Variants in KLHDC1 observed in about 807,000 individuals in gnomAD.
KLHDC1 encodes the protein kelch domain-containing protein 1.
A neutral mutation model predicts 68.3 loss-of-function variants in KLHDC1; 53 were observed. That is an observed-to-expected ratio of 0.78 (90% CI 0.62 to 0.98). The LOEUF (loss-of-function observed/expected upper bound fraction) is 0.98. Ranked by LOEUF, KLHDC1 falls within the 50% of genes least tolerant of loss-of-function variation. The pLI is 0.00. For missense variants in KLHDC1, 470 were observed against 492.3 expected (o/e 0.95, Z 0.43); for synonymous variants, 148 against 159.0 (o/e 0.93, Z 0.52).
chr14:49,751,362 A>G lies in KLHDC1; in HGVS notation c.1035-224A>G, dbSNP rs112236996. ...AAATGTTTGAGGGGATGGATACCCC[A>G]TTTTCTATGACATGATTATTATGCA... is the stretch of plus-strand genomic sequence containing the variant. On this transcript the variant is annotated intron_variant, in intron 12 of 12. Coordinates refer to ENST00000359332, the MANE Select transcript of KLHDC1 (RefSeq NM_172193.3). Among the ~76,000 whole-genome samples, 166 of 152,246 alleles carry G rather than the reference A, an allele frequency of 1.1e-3. 3 individuals are homozygous for G. The East Asian group carries it at 0.024, about 22-fold the overall frequency.
At chr14:49,726,518 C>T (rs1469758882) in intron 6 of KLHDC1, among the ~76,000 whole-genome samples, 1 of 152,160 alleles carries the variant, frequency 6.6e-6, no homozygotes, top group Non-Finnish European at 1.5e-5. Context: ...AAGTGTCATG[C>T]CCTGATTTAA....
chr14:49,695,996 G>A (rs1268884366), intron 1 of KLHDC1, among the ~76,000 whole-genome samples: 2 of 151,718 alleles, frequency 1.3e-5, no homozygotes, highest in Non-Finnish European at 2.9e-5. Flanking sequence ...AACCCAGGAG[G>A]CGGAGCTTGC....
chr14:49,723,763 A>G lies in KLHDC1; in HGVS notation c.405-111A>G, dbSNP rs537283117. ...GTTCCCTCAGCTCTTTATTCTTTTT[A>G]AACTGTGATTTTGTGTTTGGGTTGT... On this transcript the variant is annotated intron_variant, in intron 4 of 12. Coordinates refer to ENST00000359332, the MANE Select transcript of KLHDC1 (RefSeq NM_172193.3). The G allele has an allele frequency of 2.3e-5, 14 of 618,390 alleles. No homozygotes were observed. In the East Asian group the frequency reaches 2.6e-4, roughly 11 times the overall value. The allele number at this position is 618,390 out of a possible 1,614,324, so 38.3% of individuals were successfully genotyped here.
chr14:49,740,581 C>T (rs112761903), intron 11 of KLHDC1, among the ~76,000 whole-genome samples: 3,230 of 151,994 alleles, frequency 0.021, 118 homozygotes, highest in African/African-American at 0.074. Context: ...CCTCGTGATC[C>T]GCCCGCCTCA....
At chr14:49,694,862 AAAAC>A (rs773228938) in intron 1 of KLHDC1, among the ~76,000 whole-genome samples, 3 of 152,202 alleles carry the variant, frequency 2.0e-5, no homozygotes, top group Non-Finnish European at 4.4e-5. Context: ...TCAAAACAAA[AAAAC>A]AAAAAACTGT....
intron 6 of KLHDC1, 151 bp downstream of exon 6, chr14:49,725,920 T>C: frequency 2.0e-6 from 1 of 508,308 alleles, no homozygotes; most frequent in Non-Finnish European, 3.5e-6. Context: ...CAATCTCAGC[T>C]CACTGCAACC....
At chr14:49,738,028 GT>G (rs1888972673) in intron 10 of KLHDC1, among the ~76,000 whole-genome samples, 1 of 151,732 alleles carries the variant, frequency 6.6e-6, no homozygotes, top group African/African-American at 2.4e-5. Context: ...TAGTATTTGG[GT>G]TTTTTTGTTT....
At chr14:49,709,643 A>T in intron 2 of KLHDC1, 66 bp from the exon 3 acceptor site, 1 of 787,100 alleles carries the variant, frequency 1.3e-6, no homozygotes, top group Non-Finnish European at 2.0e-6. Flanking sequence ...GTACTCATGG[A>T]GTTTAAAGAG....
chr14:49,736,777 C>A (rs1888939230), intron 10 of KLHDC1, among the ~76,000 whole-genome samples: 3 of 152,162 alleles, frequency 2.0e-5, no homozygotes, highest in Admixed American at 6.5e-5. Context: ...CTGTCCTTTA[C>A]CCAGTAGATG....
At chr14:49,696,134 T>C (rs1412573200) in intron 1 of KLHDC1, among the ~76,000 whole-genome samples, 2 of 151,692 alleles carry the variant, frequency 1.3e-5, no homozygotes. Context: ...CCAGATCTTC[T>C]GGATAACTTG....
At chr14:49,741,680 A>G (rs962124027) in intron 11 of KLHDC1, among the ~76,000 whole-genome samples, 2 of 152,130 alleles carry the variant, frequency 1.3e-5, no homozygotes, top group Non-Finnish European at 2.9e-5. Flanking sequence ...AAGCATTTCA[A>G]TTTTAAAATT....
chr14:49,725,538 C>T (rs1013301573), intron 5 of KLHDC1, 148 bp from the exon 6 acceptor site: 14 of 554,482 alleles, frequency 2.5e-5, no homozygotes, highest in Admixed American at 1.1e-4. Context: ...GGGAGGTACC[C>T]GTGTATCCGT....
chr14:49,695,623 C>T (rs1158655856), intron 1 of KLHDC1, among the ~76,000 whole-genome samples: 1 of 152,160 alleles, frequency 6.6e-6, no homozygotes. Flanking sequence ...GATAAATGAA[C>T]ATTGGCTTCA....
intron 6 of KLHDC1, among the ~76,000 whole-genome samples, chr14:49,728,482 C>T (rs1014502236): frequency 3.3e-5 from 5 of 152,094 alleles, no homozygotes; most frequent in African/African-American, 1.2e-4. Context: ...TTTGAGGCAC[C>T]AAGAGTTTTG....
chr14:49,743,669 A>T (rs1284032897), intron 11 of KLHDC1, 84 bp from the exon 12 acceptor site: 11 of 812,838 alleles, frequency 1.4e-5, no homozygotes, highest in Non-Finnish European at 2.2e-5. Flanking sequence ...TATCTTTTAC[A>T]TTTATAAAAT....
intron 12 of KLHDC1, among the ~76,000 whole-genome samples, chr14:49,748,195 G>A (rs1235460302): frequency 6.6e-6 from 1 of 152,226 alleles, no homozygotes; most frequent in African/African-American, 2.4e-5. Flanking sequence ...GAAAGGGACT[G>A]TGGTGAGCCA....
chr14:49,705,867 G>A (rs1176101044), intron 1 of KLHDC1, among the ~76,000 whole-genome samples: 2 of 151,976 alleles, frequency 1.3e-5, no homozygotes, highest in East Asian at 3.9e-4. Flanking sequence ...ATTTTTGTGG[G>A]TACATAGTAG....
At chr14:49,738,460 C>T (rs1007107063) in intron 10 of KLHDC1, among the ~76,000 whole-genome samples, 7 of 151,858 alleles carry the variant, frequency 4.6e-5, no homozygotes, top group African/African-American at 1.7e-4. Context: ...AGTTCTCCTG[C>T]CTCAGCCTTC....
chr14:49,713,461 A>G (rs1460601553), intron 4 of KLHDC1, among the ~76,000 whole-genome samples: 3 of 152,090 alleles, frequency 2.0e-5, no homozygotes, highest in Non-Finnish European at 4.4e-5. Context: ...ACCCTAAGAT[A>G]CTGTTTGTAT....
Sources: allele counts gnomAD v4.1 joint callset (sites outside exome capture counted in the v4.1 genomes callset), GRCh38; gene constraint gnomAD v4.1.1; transcripts MANE v1.5; gene names NCBI Gene and HGNC (gene_info 2026-07-23, HGNC 2026-07-21).